Variants in SIPA1L1 observed in about 807,000 individuals in gnomAD.
The protein encoded by SIPA1L1 is signal-induced proliferation-associated 1-like protein 1.
A neutral mutation model predicts 162.7 loss-of-function variants in SIPA1L1; 26 were observed. That is an observed-to-expected ratio of 0.16 (90% confidence interval 0.12 to 0.22). The LOEUF (loss-of-function observed/expected upper bound fraction) is 0.22. Among genes scored for constraint, SIPA1L1 ranks in the 10% least tolerant of loss-of-function variants. The pLI is 1.00. For synonymous variants in SIPA1L1, 829 were observed against 837.4 expected, an observed-to-expected ratio of 0.99 and a Z score of 0.17; for missense variants, 1,874 against 2,241.0, an observed-to-expected ratio of 0.84 and a Z score of 3.31.
intron 2 of SIPA1L1, among the ~76,000 whole-genome samples, chr14:71,425,927 T>C (rs1178521806): frequency 6.6e-6 from 1 of 152,230 alleles, no homozygotes; most frequent in Non-Finnish European, 1.5e-5. Flanking sequence ...TTGTATTTTT[T>C]GTTACTATAT....
intron 4 of SIPA1L1, among the ~76,000 whole-genome samples, chr14:71,538,602 A>G (rs1165718926): frequency 6.6e-6 from 1 of 152,182 alleles, no homozygotes; most frequent in Non-Finnish European, 1.5e-5. Context: ...TGTCTTCCTA[A>G]GGTTGTAATA....
chr14:71,354,179 C>T lies in SIPA1L1; in HGVS notation c.-465+32998C>T, dbSNP rs769186646. ...TACTATTAACAAATGAGCATCATATCCTTAATCTTGCAATAAGATTGCGAT... is the reference window on the plus strand; with the variant it reads ...TACTATTAACAAATGAGCATCATATTCTTAATCTTGCAATAAGATTGCGAT... On this transcript the variant is annotated intron_variant, in intron 2 of 23. Transcript: ENST00000381232. Among the ~76,000 whole-genome samples the T allele has an allele frequency of 1.1e-4, 16 of 151,970 alleles. No homozygotes were observed. In the Middle Eastern group the frequency reaches 0.014, roughly 129 times the overall value.
intron 4 of SIPA1L1, among the ~76,000 whole-genome samples, chr14:71,539,792 T>C (rs529130051): frequency 6.6e-6 from 1 of 152,278 alleles, no homozygotes; most frequent in Admixed American, 6.5e-5. Context: ...ACAGGAAATA[T>C]AATGTGCAGG....
At chr14:71,419,654 C>T (rs1050391854) in intron 2 of SIPA1L1, among the ~76,000 whole-genome samples, 15 of 151,536 alleles carry the variant, frequency 9.9e-5, no homozygotes, top group Non-Finnish European at 1.9e-4. Context: ...CCCGCCACCA[C>T]GCCCGGCTAA....
At chr14:71,576,861 G>C (rs1307838181) in intron 4 of SIPA1L1, among the ~76,000 whole-genome samples, 1 of 152,152 alleles carries the variant, frequency 6.6e-6, no homozygotes, top group Admixed American at 6.5e-5. Flanking sequence ...GAGGCAGCTG[G>C]ATCACGAGGT....
At position 71,730,071 on chromosome 14, in the gene SIPA1L1, C is replaced by T. The variant is rs767437129; in HGVS notation, c.4631C>T (p.Ser1544Phe). ...GTTTTTCAGTTCCACGCACTCTCCT[C>T]TCCTCAGTCTCCTTTCCCCAGCACC... ...QKSFKFHALSSPQSPFPSTPT... is the reference protein window; with the variant it reads ...QKSFKFHALSFPQSPFPSTPT... Residue 1544 changes from serine to phenylalanine, a missense_variant, in exon 20 of 24, where the codon TCT becomes TTT. Physicochemically the swap from Ser to Phe is radical, Grantham distance 155. This residue lies in a region of SIPA1L1 where 936 missense variants were observed against 1,051.9 expected (regional missense o/e 0.89). Transcript: ENST00000381232. The T allele has an allele frequency of 6.2e-7, 1 of 1,614,124 alleles. No homozygotes were observed. The highest frequency in any genetic ancestry group is 1.3e-5 in the African/African-American group (1 of 75,056).
chr14:71,554,281 T>TA (rs2056147902), intron 4 of SIPA1L1, among the ~76,000 whole-genome samples: 1 of 152,214 alleles, frequency 6.6e-6, no homozygotes, highest in South Asian at 2.1e-4. Context: ...CATTTCTTTT[T>TA]AAACAGTATT....
chr14:71,676,994 A>T (rs1181077093), intron 12 of SIPA1L1, among the ~76,000 whole-genome samples: 1 of 152,214 alleles, frequency 6.6e-6, no homozygotes, highest in Non-Finnish European at 1.5e-5. Flanking sequence ...TATACCCAGT[A>T]ATGGGATGTC....
intron 5 of SIPA1L1, among the ~76,000 whole-genome samples, chr14:71,601,090 T>G (rs2036694015): frequency 6.6e-6 from 1 of 152,200 alleles, no homozygotes; most frequent in Non-Finnish European, 1.5e-5. Context: ...TGCCTTTTCT[T>G]TCTTTCTTTT....
intron 2 of SIPA1L1, among the ~76,000 whole-genome samples, chr14:71,389,382 C>G (rs1430585765): frequency 1.3e-5 from 2 of 152,200 alleles, no homozygotes; most frequent in Non-Finnish European, 2.9e-5. Context: ...TTCTATGTTT[C>G]CCTTTTGCCA....
At chr14:71,617,219 T>C (rs1186989785) in intron 5 of SIPA1L1, among the ~76,000 whole-genome samples, 2 of 152,226 alleles carry the variant, frequency 1.3e-5, no homozygotes, top group Non-Finnish European at 2.9e-5. Context: ...TTCTATCACA[T>C]TGCTGTCTGC....
chr14:71,334,407 T>C (rs902751684), intron 2 of SIPA1L1, among the ~76,000 whole-genome samples: 1 of 152,232 alleles, frequency 6.6e-6, no homozygotes, highest in Non-Finnish European at 1.5e-5. Flanking sequence ...AAGCCTGGTT[T>C]CTTTCCCAGT....
In SIPA1L1 at chr14:71,454,699, C is replaced by T. The variant is rs190808367; in HGVS notation, c.-464-58044C>T. ...CAGTATAGAGTTTATTTTCTTACAACTGAACAAATATGCTGATTAAACAAA... is the reference window on the plus strand; with the variant it reads ...CAGTATAGAGTTTATTTTCTTACAATTGAACAAATATGCTGATTAAACAAA... On this transcript the variant is annotated intron_variant, in intron 2 of 23. Coordinates refer to ENST00000381232, the MANE Select transcript of SIPA1L1 (RefSeq NM_001386936.1). 3.9e-5 allele frequency among the ~76,000 whole-genome samples: 6 copies of T among 152,136 alleles called. No individual in the cohort carries two copies. In the East Asian group the frequency reaches 1.2e-3, roughly 29 times the overall value.
At chr14:71,389,431 T>C (rs1171541191) in intron 2 of SIPA1L1, among the ~76,000 whole-genome samples, 1 of 152,226 alleles carries the variant, frequency 6.6e-6, no homozygotes, top group East Asian at 1.9e-4. Flanking sequence ...TTGATGATCA[T>C]TGCTCAGAAA....
chr14:71,627,131 C>CTTTTTTTTTTTTTTTTTT lies in SIPA1L1; in HGVS notation c.1818+2921_1818+2938dup, dbSNP rs71105788. On this transcript the variant is annotated intron_variant, in intron 7 of 23. Transcript: ENST00000381232. ...TGATGCCTTTCTGGGACTTTCACTA[C>CTTTTTTTTTTTTTTTTTT]TTTTTTTTTTTTTTTTTTTTTTTTT... 1.0e-4 allele frequency among the ~76,000 whole-genome samples: 5 copies of CTTTTTTTTTTTTTTTTTT among 48,788 alleles called. 2 individuals are homozygous for CTTTTTTTTTTTTTTTTTT. Among genetic ancestry groups the CTTTTTTTTTTTTTTTTTT allele is most frequent in the Non-Finnish European group, 1.4e-4 (4 of 27,980 alleles). 32.0% of individuals were successfully genotyped at this position (48,788 alleles called of 152,430 possible).
At chr14:71,479,572 T>C (rs559710016) in intron 2 of SIPA1L1, among the ~76,000 whole-genome samples, 2 of 151,932 alleles carry the variant, frequency 1.3e-5, no homozygotes, top group Non-Finnish European at 2.9e-5. Context: ...ATTTATTTTT[T>C]ATTTTTTTTA....
At chr14:71,392,732 A>G (rs1566966530) in intron 2 of SIPA1L1, among the ~76,000 whole-genome samples, 1 of 151,688 alleles carries the variant, frequency 6.6e-6, no homozygotes, top group Admixed American at 6.6e-5. Flanking sequence ...ACGGGGTTTC[A>G]CTGTGTTAGC....
chr14:71,448,947 G>A (rs1454691523), intron 2 of SIPA1L1: 3 of 152,288 alleles, frequency 2.0e-5, no homozygotes, highest in Non-Finnish European at 4.4e-5. Flanking sequence ...AACATAGCAG[G>A]ACCCCATCTC....
intron 2 of SIPA1L1, among the ~76,000 whole-genome samples, chr14:71,503,218 A>G (rs2050394319): frequency 6.6e-6 from 1 of 152,220 alleles, no homozygotes; most frequent in South Asian, 2.1e-4. Flanking sequence ...CCTAAGAACA[A>G]TGCATGTGAA....
Sources: allele counts gnomAD v4.1 joint callset (sites outside exome capture counted in the v4.1 genomes callset), GRCh38; gene constraint gnomAD v4.1.1; regional missense constraint gnomAD v4.1.1; transcripts MANE v1.5; gene names NCBI Gene and HGNC (gene_info 2026-07-23, HGNC 2026-07-21).